Variants in EXOG observed in about 807,000 individuals in gnomAD.
EXOG encodes the protein exo/endonuclease G, also known as nuclease EXOG, mitochondrial.
In EXOG, 27 loss-of-function variants were observed where a neutral mutation model predicts 25.8. The ratio of observed to expected loss-of-function variants is 1.05; its 90% CI spans 0.77 to 1.45. EXOG has a LOEUF of 1.45. EXOG is among the 40% of genes most tolerant of loss of function. EXOG has a pLI of 0.00. For synonymous variants in EXOG, 133 were observed against 167.0 expected (o/e 0.80, Z 1.57); for missense variants, 458 against 450.5 (o/e 1.02, Z -0.15).
Position 38,523,990 on chromosome 3 carries a change from G to T in EXOG, c.735G>T (p.Ala245=). The T allele has an allele frequency of 6.2e-7, 1 of 1,613,962 alleles. No individual in the cohort carries two copies. The highest frequency in any genetic ancestry group is 8.5e-7 in the Non-Finnish European group (1 of 1,179,892). ...GCTCAGTATCTACCGAACCACTGGCGCTAGGGGCCTTTGTGGTACCCAATG... is the reference window on the plus strand; with the variant it reads ...GCTCAGTATCTACCGAACCACTGGCTCTAGGGGCCTTTGTGGTACCCAATG... ...RRSSVSTEPL[A]LGAFVVPNEA... Residue 245 remains alanine (A), a synonymous_variant, in exon 6 of 6, where the codon GCG becomes GCT. Transcript: ENST00000287675.
At chr3:38,522,214 C>G (rs2060738135) in intron 5 of EXOG, among the ~76,000 whole-genome samples, 1 of 152,236 alleles carries the variant, frequency 6.6e-6, no homozygotes, top group Non-Finnish European at 1.5e-5. Context: ...TGACAGACAG[C>G]AGATGGCCAT....
At chr3:38,516,204 A>G (rs1382151236) in intron 5 of EXOG, among the ~76,000 whole-genome samples, 1 of 152,048 alleles carries the variant, frequency 6.6e-6, no homozygotes, top group African/African-American at 2.4e-5. Flanking sequence ...ATATCCATAT[A>G]TATATATATG....
chr3:38,512,335 A>G (rs2060395888), intron 5 of EXOG, among the ~76,000 whole-genome samples: 1 of 152,222 alleles, frequency 6.6e-6, no homozygotes. Flanking sequence ...ATGAAATTCA[A>G]ACAGTACAAA....
intron 5 of EXOG, among the ~76,000 whole-genome samples, chr3:38,521,294 TTTCC>T (rs2060708015): frequency 6.6e-6 from 1 of 152,226 alleles, no homozygotes; most frequent in Non-Finnish European, 1.5e-5. Context: ...GGAATTTCTG[TTTCC>T]ATGAGGTTTC....
intron 5 of EXOG, chr3:38,519,508 C>T (rs1199266709): frequency 6.6e-6 from 1 of 152,144 alleles, no homozygotes; most frequent in Non-Finnish European, 1.5e-5. Context: ...TGAAAATGCC[C>T]TCAGGAGTCT....
At chr3:38,513,145 G>A (rs933498707) in intron 5 of EXOG, among the ~76,000 whole-genome samples, 5 of 152,182 alleles carry the variant, frequency 3.3e-5, no homozygotes, top group Non-Finnish European at 7.3e-5. Context: ...ATAATTGGGA[G>A]ATTTCACATA....
In EXOG at chr3:38,525,866, C is replaced by G. The variant is rs539584035; in HGVS notation, c.*1504C>G. 3 of 545,866 alleles carry G rather than the reference C, an allele frequency of 5.5e-6. No homozygotes were observed. The highest frequency in any genetic ancestry group is 1.5e-4 in the East Asian group (1 of 6,832). The allele number at this position is 545,866 out of a possible 1,614,324, so 33.8% of individuals were successfully genotyped here. ...GGCTGAAATGGGAGGATTGCTTGAGCCTGGCAGGTCAAGGCTGCGATGGGA... is the reference window on the plus strand; with the variant it reads ...GGCTGAAATGGGAGGATTGCTTGAGGCTGGCAGGTCAAGGCTGCGATGGGA... On this transcript the variant is annotated 3_prime_UTR_variant, in exon 6 of 6. Transcript: ENST00000287675.
chr3:38,515,277 G>A (rs1442949847), intron 5 of EXOG, among the ~76,000 whole-genome samples: 1 of 152,030 alleles, frequency 6.6e-6, no homozygotes, highest in Non-Finnish European at 1.5e-5. Context: ...ATTTTAATGA[G>A]GATGATCCCT....
chr3:38,521,497 G>A (rs1414626697), intron 5 of EXOG, among the ~76,000 whole-genome samples: 4 of 152,216 alleles, frequency 2.6e-5, no homozygotes, highest in Admixed American at 2.0e-4. Context: ...GAAAATTGCC[G>A]TTTGTTTGTA....
Position 38,501,317 on chromosome 3 carries a change from C to T in EXOG, c.314-38C>T, listed in dbSNP as rs935287807. On this transcript the variant is annotated intron_variant, in intron 2 of 5. Transcript: ENST00000287675. Reference sequence around the variant, plus strand: ...TTAGAGAATCTTGAGGGACATTTGTCTACTGATAACATATCCATTTTGTGT... The same window carrying T: ...TTAGAGAATCTTGAGGGACATTTGTTTACTGATAACATATCCATTTTGTGT... The T allele has an allele frequency of 3.1e-6, 5 of 1,593,646 alleles. No homozygotes were observed. In the African/African-American group the frequency reaches 5.4e-5, roughly 17 times the overall value.
At chr3:38,499,219 T>TGTGTGTTC (rs1369926687) in intron 2 of EXOG, among the ~76,000 whole-genome samples, 1 of 152,250 alleles carries the variant, frequency 6.6e-6, no homozygotes, top group African/African-American at 2.4e-5. Flanking sequence ...TTTAATTTGC[T>TGTGTGTTC]GTGTGTTCCA....
At chr3:38,516,825 C>T (rs7644530) in intron 5 of EXOG, among the ~76,000 whole-genome samples, 75,492 of 151,924 alleles carry the variant, frequency 0.5, 20,387 homozygotes, top group African/African-American at 0.72. Context: ...TTGAATAGTA[C>T]GGGCCAGTTG....
At chr3:38,517,355 A>T (rs2060577496) in intron 5 of EXOG, among the ~76,000 whole-genome samples, 1 of 152,176 alleles carries the variant, frequency 6.6e-6, no homozygotes, top group Admixed American at 6.5e-5. Flanking sequence ...AGCTCCTTCC[A>T]GTGTCTCCTG....
intron 5 of EXOG, among the ~76,000 whole-genome samples, chr3:38,520,478 A>G (rs2060681456): frequency 6.6e-6 from 1 of 152,226 alleles, no homozygotes; most frequent in Admixed American, 6.5e-5. Context: ...CTGATTAACT[A>G]GACTTGGTTT....
chr3:38,519,655 C>T (rs910275768), intron 5 of EXOG, among the ~76,000 whole-genome samples: 4 of 152,128 alleles, frequency 2.6e-5, no homozygotes, highest in African/African-American at 7.2e-5. Flanking sequence ...TGTCTCCCTA[C>T]CCTCACCCTA....
rs72284153 is a variant in EXOG at position 38,497,604 on chromosome 3, CTTTT to C, written c.164-13_164-10del. 1,069 of 1,407,344 alleles carry C rather than the reference CTTTT, an allele frequency of 7.6e-4. No homozygotes were observed. The highest frequency in any genetic ancestry group is 3.4e-3 in the East Asian group (134 of 38,930). 87.2% of individuals were successfully genotyped at this position (1,407,344 alleles called of 1,614,324 possible). A position where few individuals can be genotyped will look rare whatever the true frequency, so the allele number is the denominator to read the frequency against. ...TGTGTTTTTTTTGTCTCTGCCCCCC[CTTTT>C]TTTTTTTTTTTCATTTTTAGGATCT... On this transcript the variant is annotated intron_variant, in intron 1 of 5. Coordinates refer to ENST00000287675, the MANE Select transcript of EXOG (RefSeq NM_005107.4).
chr3:38,518,820 T>C (rs2060623886), intron 5 of EXOG, among the ~76,000 whole-genome samples: 1 of 152,208 alleles, frequency 6.6e-6, no homozygotes, highest in East Asian at 1.9e-4. Context: ...GACCATTTTC[T>C]TTTATAGACA....
intron 3 of EXOG, among the ~76,000 whole-genome samples, chr3:38,502,915 T>G (rs2060091816): frequency 6.6e-6 from 1 of 152,190 alleles, no homozygotes; most frequent in African/African-American, 2.4e-5. Flanking sequence ...TGGACACTCA[T>G]TATAATCACC....
At chr3:38,500,997 CTT>C (rs1426468708) in intron 2 of EXOG, among the ~76,000 whole-genome samples, 1 of 151,996 alleles carries the variant, frequency 6.6e-6, no homozygotes, top group African/African-American at 2.4e-5. Context: ...ACATGGGAGT[CTT>C]TTTTAAAAAA....
Sources: allele counts gnomAD v4.1 joint callset (sites outside exome capture counted in the v4.1 genomes callset), GRCh38; gene constraint gnomAD v4.1.1; transcripts MANE v1.5; gene names NCBI Gene and HGNC (gene_info 2026-07-23, HGNC 2026-07-21).